Variants in SLIT3 observed in about 807,000 individuals in gnomAD.
SLIT3 encodes the protein slit homolog 3 protein.
A neutral mutation model predicts 184.0 loss-of-function variants in SLIT3; 68 were observed. The observed-to-expected ratio is 0.37, with a 90% CI of 0.30 to 0.45. The LOEUF is 0.45. Among genes scored for constraint, SLIT3 ranks in the 20% least tolerant of loss-of-function variants. The pLI is 1.00. For missense variants in SLIT3, 1,707 were observed against 2,026.0 expected, an observed-to-expected ratio of 0.84 and a Z score of 3.02; for synonymous variants, 831 against 828.6, an observed-to-expected ratio of 1.00 and a Z score of -0.05.
intron 4 of SLIT3, among the ~76,000 whole-genome samples, chr5:169,166,293 G>T (rs297820): frequency 0.37 from 56,658 of 151,950 alleles, 11,270 homozygotes; most frequent in African/African-American, 0.51. Context: ...ATGAGAAAAG[G>T]GCTGCCTGGT....
At chr5:168,962,333 CACAT>C (rs1316963601) in intron 4 of SLIT3, among the ~76,000 whole-genome samples, 88 of 151,682 alleles carry the variant, frequency 5.8e-4, no homozygotes, top group African/African-American at 2.1e-3. Flanking sequence ...CACACACACA[CACAT>C]ACACACACAC....
chr5:168,826,971 C>T (rs1252892092), intron 6 of SLIT3, among the ~76,000 whole-genome samples: 1 of 152,146 alleles, frequency 6.6e-6, no homozygotes, highest in Non-Finnish European at 1.5e-5. Context: ...GCCATGTTGG[C>T]CAGGCTGGTC....
chr5:168,825,402 A>G (rs1443419237), intron 6 of SLIT3, among the ~76,000 whole-genome samples: 2 of 152,092 alleles, frequency 1.3e-5, no homozygotes, highest in Non-Finnish European at 2.9e-5. Flanking sequence ...AATCCCCCAC[A>G]TCTACTTATC....
At chr5:169,045,670 A>C (rs893683944) in intron 4 of SLIT3, among the ~76,000 whole-genome samples, 2 of 152,214 alleles carry the variant, frequency 1.3e-5, no homozygotes, top group African/African-American at 4.8e-5. Flanking sequence ...AGAGGTGTAC[A>C]GTGACTTGCC....
intron 8 of SLIT3, among the ~76,000 whole-genome samples, chr5:168,808,295 G>C (rs1478117489): frequency 6.6e-6 from 1 of 152,064 alleles, no homozygotes; most frequent in African/African-American, 2.4e-5. Flanking sequence ...CAACCACAGA[G>C]AGCCAACCTG....
chr5:168,799,924 G>T (rs558694435), intron 9 of SLIT3, among the ~76,000 whole-genome samples: 145 of 152,248 alleles, frequency 9.5e-4, no homozygotes, highest in African/African-American at 3.2e-3. Flanking sequence ...AATCCAGGTT[G>T]GTCTGGTTGA....
intron 4 of SLIT3, among the ~76,000 whole-genome samples, chr5:169,080,471 A>C (rs1361052217): frequency 6.6e-6 from 1 of 152,078 alleles, no homozygotes; most frequent in African/African-American, 2.4e-5. Flanking sequence ...GGGAGACATG[A>C]TTTGACTTGC....
chr5:168,919,958 A>C (rs1188986439), intron 4 of SLIT3, among the ~76,000 whole-genome samples: 2 of 152,184 alleles, frequency 1.3e-5, no homozygotes, highest in South Asian at 4.1e-4. Context: ...CTCTGAGAAG[A>C]GTTAATGTCA....
chr5:168,981,977 G>T (rs943393943), intron 4 of SLIT3, among the ~76,000 whole-genome samples: 1 of 152,096 alleles, frequency 6.6e-6, no homozygotes, highest in Non-Finnish European at 1.5e-5. Context: ...AATGATGATA[G>T]CAATGTGACG....
At chr5:168,884,329 G>A (rs994382491) in intron 4 of SLIT3, among the ~76,000 whole-genome samples, 3 of 150,752 alleles carry the variant, frequency 2.0e-5, no homozygotes, top group Admixed American at 6.6e-5. Context: ...CCTCTCTGAG[G>A]ACTATGGCGT....
At chr5:168,672,348 A>C (rs947079692) in intron 33 of SLIT3, among the ~76,000 whole-genome samples, 1 of 152,150 alleles carries the variant, frequency 6.6e-6, no homozygotes, top group Non-Finnish European at 1.5e-5. Flanking sequence ...CTCTGGGTAA[A>C]GTCTTGGGAA....
chr5:169,017,399 G>A (rs1362427250), intron 4 of SLIT3, among the ~76,000 whole-genome samples: 2 of 152,162 alleles, frequency 1.3e-5, no homozygotes, highest in African/African-American at 2.4e-5. Context: ...AAATGTTAAC[G>A]AAAGAGCTAA....
chr5:168,858,388 T>C (rs746945298), intron 5 of SLIT3, among the ~76,000 whole-genome samples: 3 of 152,264 alleles, frequency 2.0e-5, no homozygotes, highest in Non-Finnish European at 4.4e-5. Flanking sequence ...CTGCCCTTTC[T>C]GGCAAGTTCA....
intron 4 of SLIT3, among the ~76,000 whole-genome samples, chr5:168,953,625 A>G (rs1359027792): frequency 6.6e-6 from 1 of 152,244 alleles, no homozygotes; most frequent in Non-Finnish European, 1.5e-5. Flanking sequence ...ATAGGTCTCC[A>G]GGCACAGAGA....
At chr5:168,847,837 G>A (rs1168646966) in intron 5 of SLIT3, among the ~76,000 whole-genome samples, 1 of 152,156 alleles carries the variant, frequency 6.6e-6, no homozygotes, top group African/African-American at 2.4e-5. Flanking sequence ...GGCCACTGAT[G>A]TGTATTCTGA....
intron 4 of SLIT3, among the ~76,000 whole-genome samples, chr5:169,139,920 A>G (rs1184228632): frequency 1.3e-5 from 2 of 152,168 alleles, no homozygotes; most frequent in African/African-American, 4.8e-5. Flanking sequence ...AAATATTGAT[A>G]TATTAACCGC....
chr5:168,869,817 A>C (rs1759443321), intron 5 of SLIT3, among the ~76,000 whole-genome samples: 1 of 152,228 alleles, frequency 6.6e-6, no homozygotes, highest in South Asian at 2.1e-4. Context: ...TGGCAGACAC[A>C]GTACCCAGGA....
In SLIT3 at chr5:169,241,715, TG is replaced by T. The variant is rs1420888595; in HGVS notation, c.341+2989del. ...ATCCTGACCTCAACAGTCATGGTTT[TG>T]GGAAGAAACAATCCAGAAAACAGGG... On this transcript the variant is annotated intron_variant, in intron 3 of 35. Transcript: ENST00000519560. Among the ~76,000 whole-genome samples, 4 of 149,052 alleles carry T rather than the reference TG, an allele frequency of 2.7e-5. No homozygotes were observed. The South Asian group carries it at 8.5e-4, about 32-fold the overall frequency.
At chr5:169,281,662 G>T (rs1766998162) in intron 1 of SLIT3, among the ~76,000 whole-genome samples, 1 of 152,164 alleles carries the variant, frequency 6.6e-6, no homozygotes, top group South Asian at 2.1e-4. Context: ...CGTTATTACT[G>T]TTACTATTAA....
Sources: allele counts gnomAD v4.1 joint callset (sites outside exome capture counted in the v4.1 genomes callset), GRCh38; gene constraint gnomAD v4.1.1; transcripts MANE v1.5; gene names NCBI Gene and HGNC (gene_info 2026-07-23, HGNC 2026-07-21).